GRIA3: variants seen among roughly 807,000 people sequenced by gnomAD.
GRIA3 encodes glutamate ionotropic receptor AMPA type subunit 3, also known as glutamate receptor 3.
A neutral mutation model predicts 63.0 loss-of-function variants in GRIA3; 3 were observed. That is an observed-to-expected ratio of 0.05 (90% confidence interval 0.02 to 0.12). GRIA3 has a LOEUF of 0.12. GRIA3 is among the 10% of genes least tolerant of loss of function. The pLI is 1.00. For synonymous variants in GRIA3, 274 were observed against 257.9 expected, an observed-to-expected ratio of 1.06 and a Z score of -0.60; for missense variants, 347 against 700.9, an observed-to-expected ratio of 0.50 and a Z score of 5.70.
intron 3 of GRIA3, among the ~76,000 whole-genome samples, chrX:123,275,633 A>G (rs1402801068): frequency 8.9e-6 from 1 of 112,082 alleles, no homozygotes; most frequent in East Asian, 2.8e-4. Context: ...ACTAACCACC[A>G]CTGGGCTCTT....
intron 14 of GRIA3, among the ~76,000 whole-genome samples, chrX:123,480,844 C>T (rs976000249): frequency 8.9e-6 from 1 of 111,818 alleles, no homozygotes; most frequent in African/African-American, 3.3e-5. Flanking sequence ...AGGTATACAT[C>T]GTTAGGATAA....
intron 3 of GRIA3, among the ~76,000 whole-genome samples, chrX:123,256,551 G>T (rs5958202): frequency 9.0e-6 from 1 of 111,655 alleles, no homozygotes; most frequent in Non-Finnish European, 1.9e-5. Context: ...AGGTCATGTC[G>T]TATGGTTGAG....
chrX:123,447,257 C>T (rs903898551), intron 12 of GRIA3, among the ~76,000 whole-genome samples: 17 of 110,552 alleles, frequency 1.5e-4, no homozygotes, highest in African/African-American at 5.3e-4. Flanking sequence ...GTGGTGCACA[C>T]CTGTAATTCC....
chrX:123,385,753 T>G (rs1328175422), intron 5 of GRIA3, among the ~76,000 whole-genome samples: 2 of 111,965 alleles, frequency 1.8e-5, no homozygotes, highest in Non-Finnish European at 3.8e-5. Flanking sequence ...CTCTGCCTAT[T>G]GTCAATGGGA....
rs2045810097 is a variant in GRIA3, at chrX:123,463,616, GAAAGAAAGAAAGAAA to G, written c.2077-1248_2077-1234del. On this transcript the variant is annotated intron_variant, in intron 12 of 15. Transcript: ENST00000620443. ...GGAGGGAGGGAGGGAGGGAGGGAAA[GAAAGAAAGAAAGAAA>G]GAAAGAAAGAAAGAAAGAAAGAAAG... Among the ~76,000 whole-genome samples the G allele has an allele frequency of 7.1e-3, 101 of 14,143 alleles. 4 individuals are homozygous for G. Among genetic ancestry groups the G allele is most frequent in the Middle Eastern group, 0.023 (1 of 43 alleles). 12.3% of individuals were successfully genotyped at this position (14,143 alleles called of 115,157 possible). A position where few individuals can be genotyped will look rare whatever the true frequency, so the allele number is the denominator to read the frequency against.
chrX:123,192,345 G>A (rs12851676), intron 2 of GRIA3, among the ~76,000 whole-genome samples: 4,597 of 111,415 alleles, frequency 0.041, 98 homozygotes, highest in South Asian at 0.14. Flanking sequence ...ATAAGGGTGG[G>A]AGAGAAGCTA....
intron 5 of GRIA3, among the ~76,000 whole-genome samples, chrX:123,357,920 T>C (rs1022259290): frequency 9.0e-6 from 1 of 111,445 alleles, no homozygotes; most frequent in Non-Finnish European, 1.9e-5. Flanking sequence ...CCCTGTACTC[T>C]ATATCAAATT....
intron 10 of GRIA3, among the ~76,000 whole-genome samples, chrX:123,409,504 T>C (rs2045494270): frequency 9.0e-6 from 1 of 111,727 alleles, no homozygotes; most frequent in Non-Finnish European, 1.9e-5. Context: ...TGTGCCCCAT[T>C]ATGTAAGCCC....
intron 9 of GRIA3, 132 bp downstream of exon 9, chrX:123,403,651 T>C: frequency 1.9e-6 from 1 of 528,942 alleles, no homozygotes; most frequent in Non-Finnish European, 3.4e-6. Context: ...CTCAGGAAAC[T>C]CTCAAAGTAT....
At chrX:123,483,525 T>A (rs2045923563) in intron 15 of GRIA3, among the ~76,000 whole-genome samples, 1 of 112,638 alleles carries the variant, frequency 8.9e-6, no homozygotes, top group Non-Finnish European at 1.9e-5. Context: ...TTTATGCTTA[T>A]GGTACATCTT....
intron 12 of GRIA3, among the ~76,000 whole-genome samples, chrX:123,464,325 T>C (rs1047179653): frequency 2.7e-5 from 3 of 111,365 alleles, no homozygotes; most frequent in Admixed American, 9.6e-5. Flanking sequence ...AAATAAAAGT[T>C]GAAATTGTAA....
rs183405329 is a variant in GRIA3 at position 123,328,383 on chromosome X, T to A, written c.696+2170T>A. ...TGTCATACTTCTCCATCTTCCTTTCTTCTATACGCACATTCACAGTATCCT... is the reference window on the plus strand; with the variant it reads ...TGTCATACTTCTCCATCTTCCTTTCATCTATACGCACATTCACAGTATCCT... On this transcript the variant is annotated intron_variant, in intron 4 of 15. Coordinates refer to ENST00000620443, the MANE Select transcript of GRIA3 (RefSeq NM_007325.5). Among the ~76,000 whole-genome samples the A allele has an allele frequency of 3.9e-4, 44 of 112,526 alleles. No individual in the cohort carries two copies. The East Asian group carries it at 6.6e-3, about 17-fold the overall frequency.
At chrX:123,290,507 C>T (rs112695184) in intron 3 of GRIA3, among the ~76,000 whole-genome samples, 7 of 109,854 alleles carry the variant, frequency 6.4e-5, no homozygotes, top group African/African-American at 2.3e-4. Context: ...GGAGGGGGCA[C>T]CCAACATGTG....
At chrX:123,256,293 C>T (rs931921280) in intron 3 of GRIA3, among the ~76,000 whole-genome samples, 3 of 111,418 alleles carry the variant, frequency 2.7e-5, no homozygotes, top group Non-Finnish European at 5.6e-5. Context: ...GCTTTATAAA[C>T]CTACATTCTA....
intron 3 of GRIA3, among the ~76,000 whole-genome samples, chrX:123,294,583 C>T (rs1397945828): frequency 9.0e-6 from 1 of 110,627 alleles, no homozygotes; most frequent in Non-Finnish European, 1.9e-5. Flanking sequence ...GAAACTAGCT[C>T]TAGGATTTTA....
intron 15 of GRIA3, among the ~76,000 whole-genome samples, chrX:123,487,519 GA>G (rs1216047735): frequency 7.5e-5 from 8 of 106,355 alleles, no homozygotes; most frequent in East Asian, 5.8e-4. Context: ...TGTTAAGTAT[GA>G]AAAAAAAAAG....
At chrX:123,185,738 T>C in intron 1 of GRIA3, 94 bp from the exon 2 acceptor site, 3 of 676,257 alleles carry the variant, frequency 4.4e-6, no homozygotes, top group Non-Finnish European at 7.2e-6. Context: ...CCCAGTATCA[T>C]TGAGAGGTAT....
chrX:123,316,346 C>A (rs2044831380), intron 3 of GRIA3, among the ~76,000 whole-genome samples: 1 of 111,825 alleles, frequency 8.9e-6, no homozygotes, highest in East Asian at 2.8e-4. Flanking sequence ...AAAAGAGAAT[C>A]CTCTTTATTC....
At chrX:123,442,328 T>C (rs765146659) in intron 12 of GRIA3, among the ~76,000 whole-genome samples, 28 of 112,295 alleles carry the variant, frequency 2.5e-4, no homozygotes, top group African/African-American at 8.4e-4. Flanking sequence ...GAAGAAGATA[T>C]GTAGCAGCAG....
Sources: allele counts gnomAD v4.1 joint callset (sites outside exome capture counted in the v4.1 genomes callset), GRCh38; gene constraint gnomAD v4.1.1; transcripts MANE v1.5; gene names NCBI Gene and HGNC (gene_info 2026-07-23, HGNC 2026-07-21).